FAM53A: variants seen among roughly 807,000 people sequenced by gnomAD.
FAM53A encodes protein FAM53A.
A neutral mutation model predicts 26.6 loss-of-function variants in FAM53A; 28 were observed. The observed-to-expected ratio is 1.05, with a 90% CI of 0.78 to 1.45. FAM53A has a LOEUF of 1.45. FAM53A is among the 40% of genes most tolerant of loss of function. The probability of loss-of-function intolerance (pLI) is 0.00; values close to 1 mark genes in which losing one functional copy is unlikely to be tolerated. For synonymous variants in FAM53A, 290 were observed against 253.1 expected (o/e 1.15, Z -1.38); for missense variants, 650 against 575.8 (o/e 1.13, Z -1.32).
chr4:1,574,866 G>A, the FAM53A span, among the ~76,000 whole-genome samples: 1 of 152,248 alleles, frequency 6.6e-6, no homozygotes, highest in Non-Finnish European at 1.5e-5. Flanking sequence ...CGGACGGACC[G>A]GCTGCCCGAA....
intron 4 of FAM53A, among the ~76,000 whole-genome samples, chr4:1,643,687 C>T (rs1032926889): frequency 3.3e-5 from 5 of 151,588 alleles, no homozygotes; most frequent in Non-Finnish European, 5.9e-5. Flanking sequence ...CCACCTCAGC[C>T]TCTCAAGTGG....
At chr4:1,643,755 TG>T (rs1711973836) in intron 4 of FAM53A, among the ~76,000 whole-genome samples, 1 of 151,806 alleles carries the variant, frequency 6.6e-6, no homozygotes, top group Non-Finnish European at 1.5e-5. Context: ...TCTGTAGCGA[TG>T]GGGTCTCGCT....
At chr4:1,576,417 GCTGCCTGCAGCACAGCGACGTGTC>G in the FAM53A span, among the ~76,000 whole-genome samples, 1 of 152,226 alleles carries the variant, frequency 6.6e-6, no homozygotes, top group African/African-American at 2.4e-5. Flanking sequence ...GCACCCCACA[GCTGCCTGCAGCACAGCGACGTGTC>G]CTGATAAAAC....
chr4:1,672,764 T>G (rs1168750152), intron 1 of FAM53A, among the ~76,000 whole-genome samples: 6 of 19,350 alleles, frequency 3.1e-4, no homozygotes, highest in Non-Finnish European at 4.9e-4. Flanking sequence ...ATTTCCTTTT[T>G]TTTTTTTTTT....
chr4:1,684,541 C>T (rs1715684180), upstream of FAM53A, among the ~76,000 whole-genome samples: 1 of 151,562 alleles, frequency 6.6e-6, no homozygotes, highest in South Asian at 2.1e-4. Context: ...CGGATCGACG[C>T]CCCGCCCCCT....
intron 1 of FAM53A, among the ~76,000 whole-genome samples, chr4:1,682,383 C>A (rs1235142478): frequency 6.6e-6 from 1 of 151,696 alleles, no homozygotes; most frequent in East Asian, 1.9e-4. Flanking sequence ...CTGCCTCAGC[C>A]TCCCGAGTAG....
the FAM53A span, among the ~76,000 whole-genome samples, chr4:1,591,400 G>A: frequency 6.6e-6 from 1 of 152,120 alleles, no homozygotes. Context: ...ACCTAAAGAA[G>A]CCAGCCACCC....
chr4:1,577,233 A>G, the FAM53A span, among the ~76,000 whole-genome samples: 1 of 152,212 alleles, frequency 6.6e-6, no homozygotes, highest in African/African-American at 2.4e-5. Flanking sequence ...CAGGGAGAGC[A>G]GAGGGGACCA....
chr4:1,674,618 G>A (rs1020328695), intron 1 of FAM53A, among the ~76,000 whole-genome samples: 13 of 151,422 alleles, frequency 8.6e-5, no homozygotes, highest in Non-Finnish European at 1.5e-4. Flanking sequence ...GCAGTGAGCC[G>A]AGATCATGCC....
downstream of FAM53A, among the ~76,000 whole-genome samples, chr4:1,613,449 G>C (rs60700012): frequency 0.91 from 139,172 of 152,332 alleles, 63,612 homozygotes; most frequent in East Asian, 0.95. Flanking sequence ...AAGGCCCTGC[G>C]TCTTAGTCCT....
At chr4:1,662,479 C>CAA (rs59768929) in intron 2 of FAM53A, among the ~76,000 whole-genome samples, 1,115 of 67,930 alleles carry the variant, frequency 0.016, 2 homozygotes, top group East Asian at 0.023. Flanking sequence ...GATTCCATCA[C>CAA]AAAAAAAAAA....
chr4:1,587,461 C>T, the FAM53A span, among the ~76,000 whole-genome samples: 2 of 152,140 alleles, frequency 1.3e-5, no homozygotes, highest in Admixed American at 6.5e-5. Flanking sequence ...CATTTGAGGC[C>T]AGGAGTTCAA....
intron 2 of FAM53A, among the ~76,000 whole-genome samples, chr4:1,662,257 G>A (rs1169612655): frequency 3.9e-5 from 6 of 151,940 alleles, no homozygotes; most frequent in Non-Finnish European, 7.4e-5. Context: ...AAGGCAGGCG[G>A]ATCACAAAGT....
intron 2 of FAM53A, among the ~76,000 whole-genome samples, chr4:1,665,126 C>T (rs1187932665): frequency 6.6e-6 from 1 of 151,600 alleles, no homozygotes; most frequent in East Asian, 1.9e-4. Context: ...ACCAGCCTGG[C>T]CAACATGGTG....
chr4:1,618,807 C>T (rs1027956063), intron 1 of FAM53A, among the ~76,000 whole-genome samples: 1 of 152,146 alleles, frequency 6.6e-6, no homozygotes, highest in Non-Finnish European at 1.5e-5. Flanking sequence ...GGAATGCCAC[C>T]GCACAGATAA....
At chr4:1,676,043 T>A (rs1371664665) in intron 1 of FAM53A, among the ~76,000 whole-genome samples, 1 of 152,260 alleles carries the variant, frequency 6.6e-6, no homozygotes, top group East Asian at 1.9e-4. Flanking sequence ...CAGGTTCGAT[T>A]TTTCTGTGTT....
chr4:1,602,648 T>C, the FAM53A span, among the ~76,000 whole-genome samples: 9 of 152,280 alleles, frequency 5.9e-5, no homozygotes, highest in South Asian at 1.9e-3. Flanking sequence ...TTATTTCAGG[T>C]CTGGGTGGGC....
At position 1,672,269 on chromosome 4, in the gene FAM53A, A is replaced by ATG. The variant is rs1714727944; in HGVS notation, c.-164-3365_-164-3364insCA. Among the ~76,000 whole-genome samples the ATG allele has an allele frequency of 4.1e-5, 6 of 146,830 alleles. 1 individual carries two copies. Among genetic ancestry groups the ATG allele is most frequent in the Non-Finnish European group, 6.0e-5 (4 of 67,168 alleles). On this transcript the variant is annotated intron_variant, in intron 1 of 4. Transcript: ENST00000308132. ...CGGACCCAGGGACCCACAGACCCAC[A>ATG]AACCCAGGAACCAGCCACCCACAGA...
Position 1,655,458 on chromosome 4 carries a change from C to T in FAM53A, c.402G>A (p.Arg134=). 6.4e-7 allele frequency: 1 copy of T among 1,550,796 alleles called. No individual in the cohort carries two copies. The highest frequency in any genetic ancestry group is 8.7e-7 in the Non-Finnish European group (1 of 1,146,856). ...TGGAGCTGCCGGGGCGCCAGGGGGA[C>T]CGGCAGCGCACAAGCTCCTCGGGTT... ...LSEPEELVRC[R]SPWRPGSSKV... is the part of the protein sequence containing the mutation. Residue 134 remains arginine, a synonymous_variant, in exon 4 of 5, where the codon CGG becomes CGA. Coordinates refer to ENST00000308132, the MANE Select transcript of FAM53A (RefSeq NM_001174070.3).
Sources: gnomAD v4.1 joint callset for allele counts (sites outside exome capture counted in the v4.1 genomes callset) on GRCh38, gnomAD v4.1.1 for gene constraint, MANE v1.5 for transcripts, NCBI Gene and HGNC (gene_info 2026-07-23, HGNC 2026-07-21) for gene names.